AQP9: variants seen among roughly 807,000 people sequenced by gnomAD.
AQP9 encodes aquaporin 9.
A neutral mutation model predicts 23.8 loss-of-function variants in AQP9; 19 were observed. The ratio of observed to expected loss-of-function variants is 0.80; its 90% CI spans 0.56 to 1.17. AQP9 has a LOEUF of 1.17. Ranked by LOEUF, AQP9 falls within the 50% of genes most tolerant of loss-of-function variation. AQP9 has a pLI of 0.00. For missense variants in AQP9, 413 were observed against 362.0 expected (o/e 1.14, Z -1.14); for synonymous variants, 153 against 131.5 (o/e 1.16, Z -1.12).
intron 1 of AQP9, among the ~76,000 whole-genome samples, chr15:58,161,726 A>C (rs1403983609): frequency 6.6e-6 from 1 of 152,224 alleles, no homozygotes; most frequent in African/African-American, 2.4e-5. Flanking sequence ...TACTAAAAAC[A>C]ATAATATCCT....
intron 2 of AQP9, among the ~76,000 whole-genome samples, chr15:58,172,683 T>C (rs1431150661): frequency 6.6e-6 from 1 of 152,212 alleles, no homozygotes; most frequent in East Asian, 1.9e-4. Context: ...ATACATATAT[T>C]GGATAAGCAT....
At chr15:58,174,649 A>G (rs1355437067) in intron 3 of AQP9, among the ~76,000 whole-genome samples, 2 of 152,122 alleles carry the variant, frequency 1.3e-5, no homozygotes, top group Non-Finnish European at 2.9e-5. Flanking sequence ...CCAAAAGAGA[A>G]CTCATTCCCA....
intron 5 of AQP9, among the ~76,000 whole-genome samples, chr15:58,180,036 G>T (rs946207205): frequency 1.3e-5 from 2 of 152,124 alleles, no homozygotes; most frequent in African/African-American, 4.8e-5. Flanking sequence ...CCCAGAAATG[G>T]CAAGACTCCA....
chr15:58,172,203 C>T (rs891018317), intron 2 of AQP9, among the ~76,000 whole-genome samples: 4 of 152,202 alleles, frequency 2.6e-5, no homozygotes, highest in Non-Finnish European at 5.9e-5. Flanking sequence ...AACTTACTTT[C>T]CGTCCATGCC....
At chr15:58,142,564 G>C (rs1391435263) in intron 1 of AQP9, among the ~76,000 whole-genome samples, 1 of 152,158 alleles carries the variant, frequency 6.6e-6, no homozygotes, top group Non-Finnish European at 1.5e-5. Flanking sequence ...AGGGTTCTGA[G>C]GTGGCTCAGT....
At chr15:58,170,356 GT>G (rs1236309091) in intron 2 of AQP9, among the ~76,000 whole-genome samples, 3 of 151,416 alleles carry the variant, frequency 2.0e-5, no homozygotes, top group Non-Finnish European at 4.4e-5. Flanking sequence ...ATTTTTCTCT[GT>G]AGATCACTGT....
At chr15:58,170,318 A>C (rs1471711624) in intron 2 of AQP9, among the ~76,000 whole-genome samples, 1 of 151,954 alleles carries the variant, frequency 6.6e-6, no homozygotes, top group Non-Finnish European at 1.5e-5. Flanking sequence ...ACCCTTCCAG[A>C]CATACCCTCT....
At chr15:58,157,195 C>G (rs1314900753) in intron 1 of AQP9, among the ~76,000 whole-genome samples, 1 of 152,084 alleles carries the variant, frequency 6.6e-6, no homozygotes, top group Non-Finnish European at 1.5e-5. Context: ...TGTTCCTTTC[C>G]TATATCCAAG....
At chr15:58,178,976 C>T in intron 4 of AQP9, 152 bp from the exon 5 acceptor site, 1 of 568,888 alleles carries the variant, frequency 1.8e-6, no homozygotes, top group Non-Finnish European at 3.1e-6. Context: ...CACAATTATT[C>T]ACCCAGTACA....
At chr15:58,161,225 G>C (rs1312401769) in intron 1 of AQP9, among the ~76,000 whole-genome samples, 1 of 152,040 alleles carries the variant, frequency 6.6e-6, no homozygotes, top group Admixed American at 6.6e-5. Context: ...GGGAGAGAAG[G>C]GGAAGGAATA....
At position 58,177,157 on chromosome 15, in the gene AQP9, G is replaced by A. The variant is rs536728652; in HGVS notation, c.496-1971G>A. The stretch of plus-strand genomic sequence containing the variant: ...CTCTTGGCCATCATGACCATATTTT[G>A]GGGTCACCTTATTTCAAGATTACTA... On this transcript the variant is annotated intron_variant, in intron 4 of 5. Coordinates refer to ENST00000219919, the MANE Select transcript of AQP9 (RefSeq NM_020980.5). 3.3e-5 allele frequency among the ~76,000 whole-genome samples: 5 copies of A among 152,220 alleles called. No individual in the cohort carries two copies. In the East Asian group the frequency reaches 9.7e-4, roughly 29 times the overall value.
upstream of AQP9, chr15:58,138,363 G>A (rs1897893164): frequency 6.4e-6 from 3 of 468,634 alleles, no homozygotes; most frequent in Non-Finnish European, 1.2e-5. Flanking sequence ...AAATAGCAGC[G>A]AACAGGGAAT....
At chr15:58,154,296 A>G (rs1255432681) in intron 1 of AQP9, 2 of 152,084 alleles carry the variant, frequency 1.3e-5, no homozygotes, top group Admixed American at 1.3e-4. Flanking sequence ...ACAAACTCAT[A>G]TAATCAGCCT....
intron 5 of AQP9, among the ~76,000 whole-genome samples, chr15:58,182,074 G>A (rs193216688): frequency 1.3e-3 from 191 of 152,258 alleles, no homozygotes; most frequent in African/African-American, 4.5e-3. Flanking sequence ...CAGGTACAGC[G>A]AGATGCCAGA....
rs1184299383 is a variant in AQP9 at position 58,184,311 on chromosome 15, C to A, written c.*176C>A. On this transcript the variant is annotated 3_prime_UTR_variant, in exon 6 of 6. Transcript: ENST00000219919. ...AAAAGTTTGGAAACAATGACCACTT[C>A]TCTACCATTGTCCCCCACCCCCACC... 1 of 633,592 alleles carries A rather than the reference C, an allele frequency of 1.6e-6. No homozygotes were observed. Among genetic ancestry groups the A allele is most frequent in the Non-Finnish European group, 2.6e-6 (1 of 378,590 alleles). 39.2% of individuals were successfully genotyped at this position (633,592 alleles called of 1,614,324 possible). A position where few individuals can be genotyped will look rare whatever the true frequency, so the allele number is the denominator to read the frequency against.
At chr15:58,150,979 A>T (rs1425049169) in intron 1 of AQP9, 1 of 152,206 alleles carries the variant, frequency 6.6e-6, no homozygotes, top group Non-Finnish European at 1.5e-5. Flanking sequence ...TAGATAGTTT[A>T]AGTTAAAATA....
chr15:58,174,977 C>T lies in AQP9; in HGVS notation c.436C>T (p.His146Tyr), dbSNP rs767673037. Residue 146 changes from histidine to tyrosine, a missense_variant, in exon 4 of 6, where the codon CAC becomes TAC. His to Tyr is a moderately conservative substitution (Grantham distance 83). Coordinates refer to ENST00000219919, the MANE Select transcript of AQP9 (RefSeq NM_020980.5). Reference sequence around the variant, plus strand: ...GATCGTGGGAGAAAATGCAACAGCACACATTTTTGCAACATACCCAGCTCC... The same window carrying T: ...GATCGTGGGAGAAAATGCAACAGCATACATTTTTGCAACATACCCAGCTCC... ...LLIVGENATA[H>Y]IFATYPAPYL... The T allele has an allele frequency of 1.2e-6, 2 of 1,614,212 alleles. No homozygotes were observed. The highest frequency in any genetic ancestry group is 1.7e-6 in the Non-Finnish European group (2 of 1,180,014).
intron 2 of AQP9, among the ~76,000 whole-genome samples, chr15:58,168,510 G>A (rs186620827): frequency 2.6e-5 from 4 of 152,086 alleles, no homozygotes; most frequent in Non-Finnish European, 4.4e-5. Flanking sequence ...CTGTGCATCC[G>A]GAATGGCCAT....
chr15:58,159,744 G>A lies in AQP9; in HGVS notation c.112-6929G>A, dbSNP rs560161527. On this transcript the variant is annotated intron_variant, in intron 1 of 5. Transcript: ENST00000219919. ...ACTTTTTTAGCTCTCACATAAAAGT[G>A]AGAACATTTGATGTCTGTCTTTCTA... Among the ~76,000 whole-genome samples, 9 of 152,236 alleles carry A rather than the reference G, an allele frequency of 5.9e-5. No homozygotes were observed. In the South Asian group the frequency reaches 1.9e-3, roughly 32 times the overall value.
Sources: allele counts gnomAD v4.1 joint callset (sites outside exome capture counted in the v4.1 genomes callset), GRCh38; gene constraint gnomAD v4.1.1; transcripts MANE v1.5; gene names NCBI Gene and HGNC (gene_info 2026-07-23, HGNC 2026-07-21).